ARHGEF26: variants seen among roughly 807,000 people sequenced by gnomAD.
The protein encoded by ARHGEF26 is Rho guanine nucleotide exchange factor 26.
ARHGEF26 carries 59 observed loss-of-function variants against 89.4 expected under a neutral mutation model. The ratio of observed to expected loss-of-function variants is 0.66; its 90% CI spans 0.54 to 0.82. The LOEUF (loss-of-function observed/expected upper bound fraction) is 0.82. ARHGEF26 is among the 40% of genes least tolerant of loss of function. The pLI is 0.00. For synonymous variants in ARHGEF26, 500 were observed against 428.4 expected, an observed-to-expected ratio of 1.17 and a Z score of -2.06; for missense variants, 1,234 against 1,085.6, an observed-to-expected ratio of 1.14 and a Z score of -1.92.
chr3:154,130,147 A>ATTTTTTTTTTT lies in ARHGEF26; in HGVS notation c.1269+435_1269+445dup, dbSNP rs55816788. 1.3e-3 allele frequency among the ~76,000 whole-genome samples: 142 copies of ATTTTTTTTTTT among 105,930 alleles called. 8 individuals are homozygous for ATTTTTTTTTTT. The highest frequency in any genetic ancestry group is 2.7e-3 in the African/African-American group (68 of 25,176). The allele number at this position is 105,930 out of a possible 152,430, so 69.5% of individuals were successfully genotyped here. ...AGCTAGTTACAATTCTTCCTTGGAA[A>ATTTTTTTTTTT]TTTTTTTTTTTTTTTTTGAGATGAG... On this transcript the variant is annotated intron_variant, in intron 4 of 14. Transcript: ENST00000465093.
At chr3:154,220,570 G>A (rs1716064244) in intron 10 of ARHGEF26, among the ~76,000 whole-genome samples, 2 of 152,176 alleles carry the variant, frequency 1.3e-5, no homozygotes, top group African/African-American at 2.4e-5. Flanking sequence ...TAAGCATTCA[G>A]TGTGGGTAGA....
intron 2 of ARHGEF26, 140 bp from the exon 3 acceptor site, chr3:154,124,270 T>G: frequency 1.6e-6 from 1 of 628,244 alleles, no homozygotes; most frequent in Non-Finnish European, 2.7e-6. Flanking sequence ...TCAGCTTCTG[T>G]GCGCTCTTGG....
rs191709250 is a variant in ARHGEF26 at position 154,163,293 on chromosome 3, A to G, written c.1487+10361A>G. ...CTTAGAGTCACAGCCCCCAAAACCT[A>G]TCAACAACATTGTGTGGACTTACTG... On this transcript the variant is annotated intron_variant, in intron 6 of 14. Transcript: ENST00000465093. Among the ~76,000 whole-genome samples, 228 of 152,290 alleles carry G rather than the reference A, an allele frequency of 1.5e-3. 1 individual carries two copies. Among genetic ancestry groups the G allele is most frequent in the Admixed American group, 3.9e-3 (59 of 15,290 alleles).
intron 9 of ARHGEF26, among the ~76,000 whole-genome samples, chr3:154,201,036 A>AG: frequency 6.6e-6 from 1 of 152,018 alleles, no homozygotes; most frequent in East Asian, 1.9e-4. Context: ...GTTTTAGGGT[A>AG]CATGTGCACA....
chr3:154,243,819 GA>G (rs1717623239), intron 12 of ARHGEF26, among the ~76,000 whole-genome samples: 1 of 143,278 alleles, frequency 7.0e-6, no homozygotes, highest in African/African-American at 2.6e-5. Context: ...TATTGGTGTT[GA>G]AAAAATATAT....
At chr3:154,229,506 A>AT (rs1716705505) in intron 11 of ARHGEF26, among the ~76,000 whole-genome samples, 1 of 152,228 alleles carries the variant, frequency 6.6e-6, no homozygotes, top group African/African-American at 2.4e-5. Flanking sequence ...ACACTTTGGT[A>AT]TTTGAAGCTT....
At chr3:154,200,355 A>G (rs1056265161) in intron 9 of ARHGEF26, among the ~76,000 whole-genome samples, 2 of 152,166 alleles carry the variant, frequency 1.3e-5, no homozygotes, top group Non-Finnish European at 2.9e-5. Context: ...CTTTTGTCAT[A>G]AATGAGTTCA....
intron 4 of ARHGEF26, among the ~76,000 whole-genome samples, chr3:154,132,417 T>TAAC (rs1423538676): frequency 2.6e-5 from 4 of 152,126 alleles, no homozygotes; most frequent in Non-Finnish European, 5.9e-5. Flanking sequence ...CTTCTGTCCT[T>TAAC]CCCATGAGGG....
intron 11 of ARHGEF26, among the ~76,000 whole-genome samples, chr3:154,229,206 A>T (rs572426606): frequency 4.0e-5 from 6 of 151,852 alleles, no homozygotes; most frequent in Admixed American, 1.3e-4. Context: ...TTTAATTATT[A>T]ATTTTTTTTT....
chr3:154,212,577 C>G (rs376861410), intron 9 of ARHGEF26, among the ~76,000 whole-genome samples: 1 of 120,386 alleles, frequency 8.3e-6, no homozygotes, highest in Non-Finnish European at 1.6e-5. Context: ...TCATGGAAGA[C>G]GATTTTTCCA....
At position 154,122,415 on chromosome 3, in the gene ARHGEF26, G is replaced by A. The variant is rs370148571; in HGVS notation, c.423G>A (p.Pro141=). 185 of 1,610,490 alleles carry A rather than the reference G, an allele frequency of 1.1e-4. No homozygotes were observed. The Middle Eastern group carries it at 1.6e-3, about 14-fold the overall frequency. ...GAVTLPAPPP[P]PVLRPPRTPN... ...TGACCTTGCCTGCGCCGCCGCCGCC[G>A]CCGGTTCTGCGCCCCCCGCGGACTC... Residue 141 remains proline (P), a synonymous_variant, in exon 2 of 15, where the codon CCG becomes CCA. Coordinates refer to ENST00000465093, the MANE Select transcript of ARHGEF26 (RefSeq NM_015595.4).
intron 11 of ARHGEF26, among the ~76,000 whole-genome samples, chr3:154,239,350 G>C (rs1490310569): frequency 3.3e-5 from 4 of 123,036 alleles, no homozygotes; most frequent in African/African-American, 1.2e-4. Context: ...GTATGAAGAA[G>C]TATTGTTGGA....
chr3:154,136,813 C>T (rs533481846), intron 4 of ARHGEF26, among the ~76,000 whole-genome samples: 17 of 152,288 alleles, frequency 1.1e-4, no homozygotes, highest in Admixed American at 5.2e-4. Flanking sequence ...AGTTTGGCAA[C>T]GCAGCAGTCT....
chr3:154,143,943 G>GTATT (rs1719537818), intron 4 of ARHGEF26, among the ~76,000 whole-genome samples: 2 of 152,148 alleles, frequency 1.3e-5, no homozygotes, highest in South Asian at 4.1e-4. Flanking sequence ...ATAAATTTTA[G>GTATT]TCCAGGCTCA....
chr3:154,139,398 T>C (rs1248277119), intron 4 of ARHGEF26, among the ~76,000 whole-genome samples: 1 of 152,230 alleles, frequency 6.6e-6, no homozygotes, highest in Non-Finnish European at 1.5e-5. Flanking sequence ...AATTAAATTT[T>C]GGACTTATTC....
At chr3:154,207,206 A>G (rs1452237385) in intron 9 of ARHGEF26, among the ~76,000 whole-genome samples, 1 of 152,228 alleles carries the variant, frequency 6.6e-6, no homozygotes, top group African/African-American at 2.4e-5. Context: ...CAAAGATTTC[A>G]TGATGAAGAT....
chr3:154,216,466 T>G (rs1237730659), intron 9 of ARHGEF26, among the ~76,000 whole-genome samples: 1 of 149,084 alleles, frequency 6.7e-6, no homozygotes, highest in Non-Finnish European at 1.5e-5. Context: ...AAGACTTCCC[T>G]CTTCAGCACT....
In ARHGEF26 at chr3:154,256,015, A is replaced by C. The variant is rs1718481379; in HGVS notation, c.*542A>C. 1.0e-6 allele frequency: 1 copy of C among 985,626 alleles called. No individual in the cohort carries two copies. The highest frequency in any genetic ancestry group is 1.7e-5 in the African/African-American group (1 of 57,144). 61.1% of individuals were successfully genotyped at this position (985,626 alleles called of 1,614,324 possible). A position where few individuals can be genotyped will look rare whatever the true frequency, so the allele number is the denominator to read the frequency against. On this transcript the variant is annotated 3_prime_UTR_variant, in exon 15 of 15. Transcript: ENST00000465093. ...TCAGAAGGTGAGCTGTTGTTTTTCT[A>C]AACCTCTTCCCAGGAAGGGGACATT...
chr3:154,128,609 T>A (rs1576679396), intron 3 of ARHGEF26, among the ~76,000 whole-genome samples: 1 of 152,176 alleles, frequency 6.6e-6, no homozygotes, highest in East Asian at 1.9e-4. Flanking sequence ...TCCTTGCTGC[T>A]CTTGGTACAT....
Sources: allele counts gnomAD v4.1 joint callset (sites outside exome capture counted in the v4.1 genomes callset), GRCh38; gene constraint gnomAD v4.1.1; transcripts MANE v1.5; gene names NCBI Gene and HGNC (gene_info 2026-07-23, HGNC 2026-07-21).